The following VAC14 variants were observed in gnomAD, a reference collection of about 807,000 sequenced individuals.
VAC14 encodes the protein protein VAC14 homolog.
A neutral mutation model predicts 85.3 loss-of-function variants in VAC14; 47 were observed. The observed-to-expected ratio is 0.55, with a 90% CI of 0.44 to 0.70. The LOEUF is 0.70. VAC14 is among the 30% of genes least tolerant of loss of function. VAC14 has a pLI of 0.00. For synonymous variants in VAC14, 447 were observed against 430.5 expected (o/e 1.04, Z -0.47); for missense variants, 861 against 1,004.3 (o/e 0.86, Z 1.93).
In VAC14 at chr16:70,752,916, T is replaced by G. The variant is rs7194237; in HGVS notation, c.1372-8337A>C. Among the ~76,000 whole-genome samples the G allele has an allele frequency of 1.9e-3, 284 of 151,616 alleles. 1 individual carries two copies. The highest frequency in any genetic ancestry group is 6.2e-3 in the African/African-American group (258 of 41,292). ...AGAACTCCCAGCTAACAGGCCACGA[T>G]GGAGAGGGATTAGAGCTAGGAGAGG... On this transcript the variant is annotated intron_variant, in intron 12 of 18. Coordinates refer to ENST00000261776, the MANE Select transcript of VAC14 (RefSeq NM_018052.5).
intron 13 of VAC14, among the ~76,000 whole-genome samples, chr16:70,744,146 T>C (rs1301113410): frequency 6.6e-6 from 1 of 152,110 alleles, no homozygotes; most frequent in African/African-American, 2.4e-5. Context: ...CCGACCCAGA[T>C]GGTTTTATGT....
intron 14 of VAC14, among the ~76,000 whole-genome samples, chr16:70,705,095 G>C (rs1045263049): frequency 2.0e-5 from 3 of 152,190 alleles, no homozygotes; most frequent in African/African-American, 7.2e-5. Flanking sequence ...CTCTGGCTCT[G>C]GTCACCAAGC....
intron 9 of VAC14, chr16:70,773,401 T>C (rs1030692835): frequency 2.6e-5 from 4 of 152,360 alleles, no homozygotes; most frequent in Admixed American, 2.6e-4. Context: ...TTTTTCTCAG[T>C]TAAGGAATAA....
At chr16:70,781,228 A>G (rs1417412523) in intron 8 of VAC14, among the ~76,000 whole-genome samples, 2 of 152,162 alleles carry the variant, frequency 1.3e-5, no homozygotes, top group African/African-American at 2.4e-5. Flanking sequence ...TGCCTCTGCC[A>G]TGACTAAAAG....
At chr16:70,784,404 C>T (rs1314453551) in intron 4 of VAC14, among the ~76,000 whole-genome samples, 184 bp from the exon 5 acceptor site, 2 of 152,224 alleles carry the variant, frequency 1.3e-5, no homozygotes, top group African/African-American at 2.4e-5. Context: ...ATACGAAAAA[C>T]GGGTAGATTG....
At chr16:70,782,918 C>T in intron 7 of VAC14, 115 bp downstream of exon 7, 1 of 955,386 alleles carries the variant, frequency 1.0e-6, no homozygotes. Flanking sequence ...AATATTCCTA[C>T]CAGGAATCTC....
chr16:70,779,903 T>C (rs1161272905), intron 9 of VAC14, among the ~76,000 whole-genome samples: 2 of 152,030 alleles, frequency 1.3e-5, no homozygotes, highest in Admixed American at 6.5e-5. Flanking sequence ...GGTGTGATCA[T>C]AGCTCACTGC....
At chr16:70,698,023 T>C (rs1303839534) in intron 15 of VAC14, among the ~76,000 whole-genome samples, 4 of 152,136 alleles carry the variant, frequency 2.6e-5, no homozygotes, top group Non-Finnish European at 4.4e-5. Flanking sequence ...GGGACCCGCG[T>C]CTCTCCTTGT....
At chr16:70,783,324 A>G (rs1165733571) in intron 6 of VAC14, 121 bp downstream of exon 6, 1 of 1,110,778 alleles carries the variant, frequency 9.0e-7, no homozygotes, top group Non-Finnish European at 1.3e-6. Context: ...GGGAAGCACA[A>G]GAGCCAGGAA....
intron 12 of VAC14, among the ~76,000 whole-genome samples, chr16:70,748,138 C>T (rs61645806): frequency 0.073 from 11,164 of 152,240 alleles, 1,335 homozygotes; most frequent in African/African-American, 0.25. Context: ...GTCCCCAAAC[C>T]TGAGCCTGCT....
At chr16:70,793,614 T>C (rs1448768435) in intron 1 of VAC14, among the ~76,000 whole-genome samples, 2 of 152,194 alleles carry the variant, frequency 1.3e-5, no homozygotes, top group East Asian at 3.8e-4. Flanking sequence ...TCCCATGTCA[T>C]TTGGTGATGG....
At chr16:70,781,018 G>C (rs1029306228) in intron 8 of VAC14, 79 bp from the exon 9 acceptor site, 3 of 1,575,650 alleles carry the variant, frequency 1.9e-6, no homozygotes, top group Non-Finnish European at 2.6e-6. Flanking sequence ...GTGATTCCCA[G>C]TGTTGGAGGT....
intron 10 of VAC14, chr16:70,766,594 G>A (rs2032833857): frequency 2.2e-6 from 1 of 454,792 alleles, no homozygotes; most frequent in South Asian, 1.6e-5. Context: ...AGCAAGCCCA[G>A]GTCCAGAGGC....
intron 14 of VAC14, among the ~76,000 whole-genome samples, chr16:70,705,784 G>A (rs2053909621): frequency 2.0e-5 from 3 of 152,200 alleles, no homozygotes; most frequent in South Asian, 4.1e-4. Context: ...CAGGAGGGGT[G>A]GGTGTACCCC....
intron 14 of VAC14, among the ~76,000 whole-genome samples, chr16:70,712,258 G>A (rs1027807920): frequency 6.6e-6 from 1 of 152,192 alleles, no homozygotes; most frequent in Non-Finnish European, 1.5e-5. Flanking sequence ...GAAGTCACCC[G>A]AGGGGACATG....
chr16:70,760,194 C>T (rs2032211901), intron 12 of VAC14, among the ~76,000 whole-genome samples: 1 of 152,172 alleles, frequency 6.6e-6, no homozygotes, highest in Admixed American at 6.5e-5. Flanking sequence ...GCCTGTCTGG[C>T]TGTGTTCCTG....
chr16:70,718,057 C>G (rs1456849700), intron 14 of VAC14, among the ~76,000 whole-genome samples: 2 of 152,218 alleles, frequency 1.3e-5, no homozygotes. Flanking sequence ...GAGCTGAGCC[C>G]GAGGGAGCAG....
intron 14 of VAC14, among the ~76,000 whole-genome samples, chr16:70,722,711 G>A (rs981139452): frequency 1.3e-5 from 2 of 152,180 alleles, no homozygotes; most frequent in Admixed American, 1.3e-4. Flanking sequence ...TCAGATGCAG[G>A]CAGGGCCCAA....
intron 14 of VAC14, among the ~76,000 whole-genome samples, chr16:70,707,559 G>C (rs542497899): frequency 3.9e-5 from 6 of 152,260 alleles, no homozygotes; most frequent in African/African-American, 1.4e-4. Context: ...GTCTCATCTG[G>C]GTGGGAGCTG....
Sources: allele counts gnomAD v4.1 joint callset (sites outside exome capture counted in the v4.1 genomes callset), GRCh38; gene constraint gnomAD v4.1.1; transcripts MANE v1.5; gene names NCBI Gene and HGNC (gene_info 2026-07-23, HGNC 2026-07-21).